PARD3B: variants seen among roughly 807,000 people sequenced by gnomAD.
The protein encoded by PARD3B is par-3 family cell polarity regulator beta, also known as partitioning defective 3 homolog B.
In PARD3B, 103 loss-of-function variants were observed where a neutral mutation model predicts 130.2. That is an observed-to-expected ratio of 0.79 (90% CI 0.67 to 0.93). PARD3B has a LOEUF of 0.93. Among genes scored for constraint, PARD3B ranks in the 40% least tolerant of loss-of-function variants. The pLI, the probability that PARD3B is intolerant of heterozygous loss-of-function variation, is 0.00. For missense variants in PARD3B, 1,609 were observed against 1,499.2 expected (o/e 1.07, Z -1.21); for synonymous variants, 583 against 553.2 (o/e 1.05, Z -0.76).
chr2:204,832,980 A>G (rs1559181570), intron 2 of PARD3B, among the ~76,000 whole-genome samples: 1 of 152,224 alleles, frequency 6.6e-6, no homozygotes, highest in Non-Finnish European at 1.5e-5. Context: ...AGGTAGCATT[A>G]TTATTGTAAT....
rs949867974 is a variant in PARD3B at position 204,861,216 on chromosome 2, T to C, written c.223-103936T>C. ...TCTCTCTCTCTCTCTCTCTCTCTCG[T>C]ACCTCTTATTTGATATTGTGTTTCC... On this transcript the variant is annotated intron_variant, in intron 2 of 22. Transcript: ENST00000406610. Among the ~76,000 whole-genome samples, 4 of 114,546 alleles carry C rather than the reference T, an allele frequency of 3.5e-5. No individual in the cohort carries two copies. The East Asian group carries it at 1.5e-3, about 43-fold the overall frequency. 75.1% of individuals were successfully genotyped at this position (114,546 alleles called of 152,430 possible).
At chr2:205,083,863 A>G (rs1701586430) in intron 4 of PARD3B, among the ~76,000 whole-genome samples, 1 of 141,910 alleles carries the variant, frequency 7.0e-6, no homozygotes, top group African/African-American at 2.5e-5. Flanking sequence ...GCTAGTTTCC[A>G]TAATGAGCAA....
At chr2:205,388,893 A>G (rs1559044836) in intron 18 of PARD3B, among the ~76,000 whole-genome samples, 1 of 152,178 alleles carries the variant, frequency 6.6e-6, no homozygotes, top group Non-Finnish European at 1.5e-5. Context: ...AACTATACTT[A>G]AAATAATGAA....
chr2:205,387,929 C>T (rs1487567007), intron 18 of PARD3B, among the ~76,000 whole-genome samples: 1 of 152,138 alleles, frequency 6.6e-6, no homozygotes, highest in African/African-American at 2.4e-5. Flanking sequence ...TATGAGACAC[C>T]TCTGTCATCT....
At chr2:205,182,021 G>A (rs2035816793) in intron 13 of PARD3B, among the ~76,000 whole-genome samples, 1 of 152,206 alleles carries the variant, frequency 6.6e-6, no homozygotes. Flanking sequence ...GGCCGGGTGT[G>A]GTGGCTTACG....
Position 205,383,109 on chromosome 2 carries a change from T to TAGATAGATAGATAGATAGAG in PARD3B, c.2631-17885_2631-17884insGAGATAGATAGATAGATAGA, listed in dbSNP as rs1553500321. 2.5e-3 allele frequency among the ~76,000 whole-genome samples: 360 copies of TAGATAGATAGATAGATAGAG among 144,976 alleles called. 3 individuals are homozygous for TAGATAGATAGATAGATAGAG. The highest frequency in any genetic ancestry group is 7.6e-3 in the Admixed American group (106 of 13,962). ...ATAGATAGATAGATAGATAGATAGA[T>TAGATAGATAGATAGATAGAG]AGATAGATAGATAGATAGATAGATA... On this transcript the variant is annotated intron_variant, in intron 18 of 22. Transcript: ENST00000406610.
intron 16 of PARD3B, among the ~76,000 whole-genome samples, chr2:205,272,088 G>T (rs1349955312): frequency 1.3e-5 from 2 of 151,464 alleles, no homozygotes; most frequent in African/African-American, 4.9e-5. Flanking sequence ...AACCCGGGAG[G>T]CAGAGTTTCC....
At chr2:204,619,219 C>T (rs1481941584) in intron 1 of PARD3B, among the ~76,000 whole-genome samples, 2 of 152,166 alleles carry the variant, frequency 1.3e-5, no homozygotes, top group Admixed American at 6.6e-5. Context: ...ACTTCACATT[C>T]TAAATGTGTG....
At chr2:205,050,060 C>T (rs571587573) in intron 4 of PARD3B, among the ~76,000 whole-genome samples, 43 of 151,854 alleles carry the variant, frequency 2.8e-4, no homozygotes, top group African/African-American at 1.0e-3. Flanking sequence ...TATCTAGGGC[C>T]AAGTACATGG....
intron 10 of PARD3B, among the ~76,000 whole-genome samples, chr2:205,150,256 C>CGT (rs58870305): frequency 5.5e-5 from 4 of 72,968 alleles, no homozygotes; most frequent in African/African-American, 1.6e-4. Context: ...TGTGTGTGCA[C>CGT]ACACGCTTGA....
At chr2:205,130,701 T>C (rs987740095) in intron 10 of PARD3B, among the ~76,000 whole-genome samples, 7 of 152,186 alleles carry the variant, frequency 4.6e-5, no homozygotes, top group African/African-American at 1.7e-4. Flanking sequence ...AAATTTCAAA[T>C]GTATTTATAA....
At chr2:205,417,279 A>C (rs1322044461) in intron 19 of PARD3B, among the ~76,000 whole-genome samples, 3 of 152,132 alleles carry the variant, frequency 2.0e-5, no homozygotes, top group South Asian at 2.1e-4. Context: ...TTATGGCTGC[A>C]TAATATTCTA....
At chr2:205,389,675 C>T (rs116180832) in intron 18 of PARD3B, among the ~76,000 whole-genome samples, 3,554 of 152,282 alleles carry the variant, frequency 0.023, 50 homozygotes, top group South Asian at 0.032. Flanking sequence ...TGGTAGGATG[C>T]AATCTAATGT....
intron 18 of PARD3B, among the ~76,000 whole-genome samples, chr2:205,370,514 G>A (rs1559711288): frequency 6.6e-6 from 1 of 152,136 alleles, no homozygotes; most frequent in Non-Finnish European, 1.5e-5. Context: ...GGAAGGCAGG[G>A]ATGGCCTGCC....
intron 2 of PARD3B, among the ~76,000 whole-genome samples, chr2:204,798,204 C>T (rs530882618): frequency 2.6e-5 from 4 of 152,256 alleles, no homozygotes; most frequent in South Asian, 2.1e-4. Flanking sequence ...CCCCAGCAGC[C>T]GCTGCTTGGC....
chr2:204,695,392 G>T (rs567829892), intron 2 of PARD3B, among the ~76,000 whole-genome samples: 1 of 151,918 alleles, frequency 6.6e-6, no homozygotes, highest in Non-Finnish European at 1.5e-5. Flanking sequence ...AAATGCCTGT[G>T]AGTACTAGTG....
In PARD3B at chr2:205,460,209, A is replaced by G. The variant is rs1406387326; in HGVS notation, c.3044+19537A>G. ...AATAGACTTCAGTAGTAATTTTCAG[A>G]TCATTTGAGTCTAAATGCAGCTTTG... On this transcript the variant is annotated intron_variant, in intron 20 of 22. Transcript: ENST00000406610. This position sits in a 1 kb window ranked among gnomAD's most constrained non-coding sequence, Gnocchi z 4.9. Among the ~76,000 whole-genome samples, 2 of 152,176 alleles carry G rather than the reference A, an allele frequency of 1.3e-5. No individual in the cohort carries two copies. Among genetic ancestry groups the G allele is most frequent in the Admixed American group, 1.3e-4 (2 of 15,270 alleles).
chr2:205,313,672 C>T (rs746714876), intron 18 of PARD3B, among the ~76,000 whole-genome samples: 2 of 152,178 alleles, frequency 1.3e-5, no homozygotes, highest in Non-Finnish European at 2.9e-5. Context: ...CTCCCATTAA[C>T]GTTAATGTGA....
At chr2:205,462,478 G>A (rs2048483790) in intron 20 of PARD3B, among the ~76,000 whole-genome samples, 1 of 152,142 alleles carries the variant, frequency 6.6e-6, no homozygotes, top group African/African-American at 2.4e-5. Flanking sequence ...TTAACCACCA[G>A]TGTGTCACCT....
Sources: gnomAD v4.1 joint callset for allele counts (sites outside exome capture counted in the v4.1 genomes callset) on GRCh38, gnomAD v4.1.1 for gene constraint, Gnocchi (gnomAD v3.1) non-coding constraint, MANE v1.5 for transcripts, NCBI Gene and HGNC (gene_info 2026-07-23, HGNC 2026-07-21) for gene names.